ALG6: variants seen among roughly 807,000 people sequenced by gnomAD.
ALG6 encodes dolichyl pyrophosphate Man9GlcNAc2 alpha-1,3-glucosyltransferase.
ALG6 carries 46 observed loss-of-function variants against 66.6 expected under a neutral mutation model. That is an observed-to-expected ratio of 0.69 (90% CI 0.55 to 0.88). The LOEUF is 0.88. Among genes scored for constraint, ALG6 ranks in the 40% least tolerant of loss-of-function variants. ALG6 has a pLI of 0.00. For missense variants in ALG6, 505 were observed against 586.8 expected (o/e 0.86, Z 1.44); for synonymous variants, 185 against 203.7 (o/e 0.91, Z 0.78).
intron 11 of ALG6, among the ~76,000 whole-genome samples, chr1:63,417,123 A>G (rs1379455738): frequency 2.0e-5 from 3 of 152,200 alleles, no homozygotes; most frequent in African/African-American, 7.2e-5. Context: ...GAGCATACCA[A>G]GTCATCTGTT....
chr1:63,436,719 A>C, intron 14 of ALG6, 104 bp from the exon 15 acceptor site: 2 of 1,132,166 alleles, frequency 1.8e-6, no homozygotes, highest in East Asian at 4.7e-5. Flanking sequence ...TAGACCCTCA[A>C]CCCTCACCTT....
In ALG6 at chr1:63,437,090, C is replaced by A; in HGVS notation, c.*70C>A. The A allele has an allele frequency of 1.5e-6, 2 of 1,377,452 alleles. No homozygotes were observed. The highest frequency in any genetic ancestry group is 2.0e-6 in the Non-Finnish European group (2 of 986,192). 85.3% of individuals were successfully genotyped at this position (1,377,452 alleles called of 1,614,324 possible). On this transcript the variant is annotated 3_prime_UTR_variant, in exon 15 of 15. Transcript: ENST00000263440. ...GAACAGTGCTGAAAGGTTTTGTGAACTTTTTGCTATGTATAAATGAAATTA... is the reference window on the plus strand; with the variant it reads ...GAACAGTGCTGAAAGGTTTTGTGAAATTTTTGCTATGTATAAATGAAATTA...
intron 2 of ALG6, among the ~76,000 whole-genome samples, chr1:63,381,182 C>T (rs576450149): frequency 4.4e-4 from 67 of 152,142 alleles, no homozygotes; most frequent in African/African-American, 7.9e-4. Flanking sequence ...TGGCCAGGCG[C>T]GGTGGCTCAC....
chr1:63,414,219 A>T, intron 10 of ALG6, 73 bp downstream of exon 10: 1 of 1,115,766 alleles, frequency 9.0e-7, no homozygotes, highest in Non-Finnish European at 1.3e-6. Flanking sequence ...TATTTCATTT[A>T]TTTGGCATCA....
intron 2 of ALG6, among the ~76,000 whole-genome samples, chr1:63,371,931 GT>G (rs781754893): frequency 3.7e-4 from 57 of 152,274 alleles, no homozygotes; most frequent in Non-Finnish European, 7.6e-4. Context: ...TAGTTAAATG[GT>G]CACAACAGAG....
chr1:63,391,568 C>G (rs908793646), intron 2 of ALG6, among the ~76,000 whole-genome samples: 1 of 152,134 alleles, frequency 6.6e-6, no homozygotes, highest in Non-Finnish European at 1.5e-5. Context: ...CTGCACCTGC[C>G]CTTCCTCAGA....
At chr1:63,380,631 T>C (rs1648272297) in intron 2 of ALG6, among the ~76,000 whole-genome samples, 1 of 152,208 alleles carries the variant, frequency 6.6e-6, no homozygotes, top group Non-Finnish European at 1.5e-5. Context: ...AATCAGAGTA[T>C]AGGATAAAAT....
chr1:63,435,649 C>T (rs946441683), intron 14 of ALG6, among the ~76,000 whole-genome samples: 5 of 152,102 alleles, frequency 3.3e-5, no homozygotes, highest in African/African-American at 1.2e-4. Context: ...TAAGATCTTG[C>T]TGGTCTTTGT....
intron 14 of ALG6, among the ~76,000 whole-genome samples, chr1:63,434,131 C>G (rs1644663890): frequency 2.0e-5 from 3 of 152,104 alleles, no homozygotes; most frequent in African/African-American, 7.2e-5. Flanking sequence ...ATCTGACTTA[C>G]ATTTTTAAAA....
rs796897906 is a variant in ALG6, at chr1:63,375,438, C to T, written c.82+4379C>T. On this transcript the variant is annotated intron_variant, in intron 2 of 14. Transcript: ENST00000263440. ...TTTTTTTTTTTTTTTTTTTTTTTTT[C>T]CAGTAGAGACAGGATTTCCCCATGT... 5.9e-3 allele frequency among the ~76,000 whole-genome samples: 456 copies of T among 77,602 alleles called. 3 individuals carry two copies. The highest frequency in any genetic ancestry group is 0.021 in the African/African-American group (376 of 17,764). 50.9% of individuals were successfully genotyped at this position (77,602 alleles called of 152,430 possible). A position where few individuals can be genotyped will look rare whatever the true frequency, so the allele number is the denominator to read the frequency against.
At chr1:63,435,403 T>A (rs1644672735) in intron 14 of ALG6, among the ~76,000 whole-genome samples, 2 of 152,136 alleles carry the variant, frequency 1.3e-5, no homozygotes, top group Admixed American at 1.3e-4. Flanking sequence ...AGCCTTTGTT[T>A]GTATCTGCTT....
At chr1:63,412,775 C>A (rs1220516011) in intron 9 of ALG6, among the ~76,000 whole-genome samples, 1 of 151,982 alleles carries the variant, frequency 6.6e-6, no homozygotes, top group Admixed American at 6.6e-5. Context: ...TTAAATTAAA[C>A]CATTTTTCTG....
chr1:63,382,144 G>A (rs1473642823), intron 2 of ALG6, among the ~76,000 whole-genome samples: 1 of 150,884 alleles, frequency 6.6e-6, no homozygotes, highest in South Asian at 2.1e-4. Flanking sequence ...ATATTCATGG[G>A]TCACATGAGA....
At position 63,433,190 on chromosome 1, in the gene ALG6, C is replaced by T; in HGVS notation, c.1327-3633C>T. 6.6e-6 allele frequency among the ~76,000 whole-genome samples: 1 copy of T among 152,326 alleles called. No individual in the cohort carries two copies. On this transcript the variant is annotated intron_variant, in intron 14 of 14. Coordinates refer to ENST00000263440, the MANE Select transcript of ALG6 (RefSeq NM_013339.4). The surrounding 1 kb of genome is among the most constrained non-coding windows in gnomAD (Gnocchi z 4.2). Reference sequence around the variant, plus strand: ...ACTCCTGACCTCGTGATCCACCCGCCTCAGCCTCCCAAAGTGCTGGGATTA... The same window carrying T: ...ACTCCTGACCTCGTGATCCACCCGCTTCAGCCTCCCAAAGTGCTGGGATTA...
chr1:63,397,878 A>G (rs1424184536), intron 3 of ALG6, among the ~76,000 whole-genome samples: 1 of 152,178 alleles, frequency 6.6e-6, no homozygotes, highest in Non-Finnish European at 1.5e-5. Flanking sequence ...TACATATTTC[A>G]CTGGGTTATT....
chr1:63,418,309 A>G (rs893023176), intron 11 of ALG6, among the ~76,000 whole-genome samples: 6 of 147,778 alleles, frequency 4.1e-5, no homozygotes, highest in Non-Finnish European at 8.9e-5. Flanking sequence ...TAAATTATTA[A>G]ATTATTAAAT....
At chr1:63,428,480 A>C in intron 12 of ALG6, 1 of 318,958 alleles carries the variant, frequency 3.1e-6, no homozygotes. Flanking sequence ...TAGAGAAAAA[A>C]AGTTCCATTA....
At chr1:63,427,788 T>C (rs1377299349) in intron 12 of ALG6, among the ~76,000 whole-genome samples, 1 of 108,260 alleles carries the variant, frequency 9.2e-6, no homozygotes, top group Non-Finnish European at 1.6e-5. Flanking sequence ...CCTAAACAAC[T>C]TTTTTTTTTT....
rs914918371 is a variant in ALG6, at chr1:63,373,348, A to AT, written c.82+2298dup. Among the ~76,000 whole-genome samples the AT allele has an allele frequency of 9.1e-4, 135 of 148,096 alleles. 2 individuals are homozygous for AT. The highest frequency in any genetic ancestry group is 4.8e-4 in the Non-Finnish European group (32 of 67,146). On this transcript the variant is annotated intron_variant, in intron 2 of 14. Transcript: ENST00000263440. ...TATAGTTTCTCTTTTCTCTTAAAAC[A>AT]TTTTTTTTTGGGGGGAGGCTAAGGT...
Sources: allele counts gnomAD v4.1 joint callset (sites outside exome capture counted in the v4.1 genomes callset), GRCh38; gene constraint gnomAD v4.1.1; non-coding constraint Gnocchi (gnomAD v3.1); transcripts MANE v1.5; gene names NCBI Gene and HGNC (gene_info 2026-07-23, HGNC 2026-07-21).